STARD13: variants seen among roughly 807,000 people sequenced by gnomAD.
The protein encoded by STARD13 is stAR-related lipid transfer protein 13.
A neutral mutation model predicts 106.4 loss-of-function variants in STARD13; 62 were observed. The ratio of observed to expected loss-of-function variants is 0.58; its 90% CI spans 0.48 to 0.72. The LOEUF (loss-of-function observed/expected upper bound fraction) is 0.72. Among genes scored for constraint, STARD13 ranks in the 30% least tolerant of loss-of-function variants. The pLI is 0.00. For synonymous variants in STARD13, 565 were observed against 553.0 expected (o/e 1.02, Z -0.31); for missense variants, 1,387 against 1,424.0 (o/e 0.97, Z 0.42).
intron 1 of STARD13, among the ~76,000 whole-genome samples, chr13:33,212,659 A>G (rs948053477): frequency 5.3e-5 from 8 of 152,188 alleles, no homozygotes; most frequent in Non-Finnish European, 1.5e-5. Context: ...AGGCTACTAC[A>G]TATGCCTCCA....
the STARD13 span, among the ~76,000 whole-genome samples, chr13:33,629,537 G>A: frequency 6.6e-6 from 1 of 152,034 alleles, no homozygotes; most frequent in Non-Finnish European, 1.5e-5. Context: ...TTTTTTACTG[G>A]GCTTTCACTT....
chr13:33,670,485 G>A, the STARD13 span, among the ~76,000 whole-genome samples: 1 of 152,096 alleles, frequency 6.6e-6, no homozygotes, highest in Non-Finnish European at 1.5e-5. Context: ...TCCAATGAGG[G>A]CTTGTGCACT....
chr13:33,210,849 A>G (rs1450166720), intron 1 of STARD13, among the ~76,000 whole-genome samples: 1 of 152,188 alleles, frequency 6.6e-6, no homozygotes, highest in African/African-American at 2.4e-5. Context: ...TTTAGCTGGC[A>G]TTCTAAAGAG....
chr13:33,181,267 T>TACACACACACACACAC (rs67752465), intron 1 of STARD13, among the ~76,000 whole-genome samples: 6 of 142,430 alleles, frequency 4.2e-5, no homozygotes, highest in African/African-American at 7.5e-5. Context: ...CACTCACACA[T>TACACACACACACACAC]ACATACACAC....
chr13:33,438,695 C>T, the STARD13 span, among the ~76,000 whole-genome samples: 7 of 152,144 alleles, frequency 4.6e-5, no homozygotes, highest in African/African-American at 1.4e-4. Flanking sequence ...TTGCAAATCT[C>T]CCCAAGAGCT....
chr13:33,608,353 G>A, the STARD13 span, among the ~76,000 whole-genome samples: 1 of 152,154 alleles, frequency 6.6e-6, no homozygotes, highest in Non-Finnish European at 1.5e-5. Context: ...GTCTCAATAG[G>A]CATTTTTAGG....
At chr13:33,553,737 G>A in the STARD13 span, among the ~76,000 whole-genome samples, 2 of 151,426 alleles carry the variant, frequency 1.3e-5, no homozygotes, top group South Asian at 2.1e-4. Context: ...CCACCACCAC[G>A]CCTGTCTAAT....
chr13:33,529,177 C>T, the STARD13 span, among the ~76,000 whole-genome samples: 1 of 152,096 alleles, frequency 6.6e-6, no homozygotes, highest in Non-Finnish European at 1.5e-5. Flanking sequence ...CCAAACATAA[C>T]AGACTAAGAC....
At chr13:33,291,016 G>A (rs1374681028) in intron 1 of STARD13, among the ~76,000 whole-genome samples, 1 of 152,172 alleles carries the variant, frequency 6.6e-6, no homozygotes, top group Non-Finnish European at 1.5e-5. Flanking sequence ...ATGTTCATAT[G>A]GAATCTGTTT....
the STARD13 span, among the ~76,000 whole-genome samples, chr13:33,364,256 A>G: frequency 6.6e-6 from 1 of 152,202 alleles, no homozygotes; most frequent in East Asian, 1.9e-4. Flanking sequence ...GCTTGAGGCC[A>G]AGAGTTCGAG....
intron 1 of STARD13, among the ~76,000 whole-genome samples, chr13:33,314,424 G>A (rs756257761): frequency 2.0e-4 from 31 of 152,174 alleles, no homozygotes; most frequent in Non-Finnish European, 3.4e-4. Context: ...GGGCAATGAC[G>A]AAATGCTTAG....
At chr13:33,121,955 C>G (rs1044658384) in intron 7 of STARD13, among the ~76,000 whole-genome samples, 1 of 152,046 alleles carries the variant, frequency 6.6e-6, no homozygotes, top group Non-Finnish European at 1.5e-5. Context: ...AAGCAATTCT[C>G]CTGCCTCAGC....
At chr13:33,250,817 G>A (rs963820078) in intron 1 of STARD13, among the ~76,000 whole-genome samples, 1 of 152,110 alleles carries the variant, frequency 6.6e-6, no homozygotes, top group African/African-American at 2.4e-5. Flanking sequence ...ATGTTCCTTA[G>A]TCTCTATTTG....
intron 1 of STARD13, among the ~76,000 whole-genome samples, chr13:33,190,310 A>G (rs1225843015): frequency 1.3e-5 from 2 of 152,178 alleles, no homozygotes; most frequent in Non-Finnish European, 2.9e-5. Context: ...GGCTTCAGTT[A>G]CTTGGGAGGC....
chr13:33,603,080 G>A, the STARD13 span, among the ~76,000 whole-genome samples: 308 of 152,098 alleles, frequency 2.0e-3, 1 homozygote, highest in African/African-American at 7.1e-3. Context: ...AGGATCCCTC[G>A]GGCCTCTCAA....
chr13:33,335,412 G>A (rs1001096869), intron 1 of STARD13: 2 of 152,252 alleles, frequency 1.3e-5, no homozygotes, highest in African/African-American at 4.8e-5. Context: ...GTTCCATGCT[G>A]TCACTACGAC....
At chr13:33,217,269 T>C (rs1888097706) in intron 1 of STARD13, among the ~76,000 whole-genome samples, 1 of 152,224 alleles carries the variant, frequency 6.6e-6, no homozygotes, top group African/African-American at 2.4e-5. Context: ...TTGTTTTTGA[T>C]GGCATGTGCC....
chr13:33,285,813 C>G, upstream of STARD13: 2 of 1,391,196 alleles, frequency 1.4e-6, no homozygotes, highest in Non-Finnish European at 1.9e-6. Context: ...GGGGCCCTCA[C>G]GTGACCTCGG....
At chr13:33,191,529 G>A (rs1886257047) in intron 1 of STARD13, among the ~76,000 whole-genome samples, 1 of 152,176 alleles carries the variant, frequency 6.6e-6, no homozygotes, top group South Asian at 2.1e-4. Flanking sequence ...ACCACATGCC[G>A]ATGTCCTGGC....
Sources: allele counts gnomAD v4.1 joint callset (sites outside exome capture counted in the v4.1 genomes callset), GRCh38; gene constraint gnomAD v4.1.1; transcripts MANE v1.5; gene names NCBI Gene and HGNC (gene_info 2026-07-23, HGNC 2026-07-21).